Variants in MYT1 observed in about 807,000 individuals in gnomAD.
MYT1 encodes the protein myelin transcription factor I.
In MYT1, 23 loss-of-function variants were observed where a neutral mutation model predicts 123.0. The ratio of observed to expected loss-of-function variants is 0.19; its 90% CI spans 0.13 to 0.26. MYT1 has a LOEUF of 0.26. Among genes scored for constraint, MYT1 ranks in the 10% least tolerant of loss-of-function variants. The probability of loss-of-function intolerance (pLI) is 1.00; values close to 1 mark genes in which losing one functional copy is unlikely to be tolerated. For missense variants in MYT1, 1,125 were observed against 1,472.5 expected (o/e 0.76, Z 3.86); for synonymous variants, 518 against 575.3 (o/e 0.90, Z 1.43).
intron 2 of MYT1, among the ~76,000 whole-genome samples, chr20:64,197,092 G>A (rs933629223): frequency 1.3e-5 from 2 of 152,168 alleles, no homozygotes; most frequent in South Asian, 4.1e-4. Flanking sequence ...GGGAACCTCC[G>A]CTTTAAAAAT....
intron 7 of MYT1, among the ~76,000 whole-genome samples, chr20:64,209,210 C>T (rs1004154158): frequency 1.2e-4 from 18 of 152,188 alleles, no homozygotes; most frequent in Non-Finnish European, 2.1e-4. Flanking sequence ...TAAACGGTTA[C>T]GGCCTTCATT....
chr20:64,214,048 C>T (rs556936426), intron 10 of MYT1, among the ~76,000 whole-genome samples: 117 of 152,346 alleles, frequency 7.7e-4, no homozygotes, highest in African/African-American at 2.6e-3. Context: ...GGACCACGGA[C>T]GTCCAGGAAG....
In MYT1 at chr20:64,237,823, TCCCAGCA is replaced by T. The variant is rs1445707409; in HGVS notation, c.3093+442_3093+448del. ...CCAGGTCTCTGGAGCCGGGTTTCCT[TCCCAGCA>T]CCCAGCACAGCCACATGTTTGTCAC... On this transcript the variant is annotated intron_variant, in intron 21 of 22. Coordinates refer to ENST00000328439, the MANE Select transcript of MYT1 (RefSeq NM_004535.3). 2.0e-5 allele frequency among the ~76,000 whole-genome samples: 3 copies of T among 152,196 alleles called. No individual in the cohort carries two copies. The East Asian group carries it at 5.8e-4, about 29-fold the overall frequency.
At position 64,202,072 on chromosome 20, in the gene MYT1, G is replaced by A. The variant is rs1306833912; in HGVS notation, c.86+2150G>A. ...ACCTCTGCGTGTCGGGAACCCCTGT[G>A]TGCAGGACTTTCTCTGTGGATGACT... On this transcript the variant is annotated intron_variant, in intron 4 of 22. Coordinates refer to ENST00000328439, the MANE Select transcript of MYT1 (RefSeq NM_004535.3). This position sits in a 1 kb window ranked among gnomAD's most constrained non-coding sequence, Gnocchi z 5.0. 6.6e-6 allele frequency among the ~76,000 whole-genome samples: 1 copy of A among 151,922 alleles called. No individual in the cohort carries two copies. Among genetic ancestry groups the A allele is most frequent in the Admixed American group, 6.6e-5 (1 of 15,236 alleles).
At chr20:64,201,597 A>T (rs771905447) in intron 4 of MYT1, among the ~76,000 whole-genome samples, 1 of 152,256 alleles carries the variant, frequency 6.6e-6, no homozygotes, top group Non-Finnish European at 1.5e-5. Flanking sequence ...TCACGTGGGC[A>T]TGCCTGTGGC....
chr20:64,170,027 A>G (rs1367857939), intron 1 of MYT1, among the ~76,000 whole-genome samples: 1 of 151,494 alleles, frequency 6.6e-6, no homozygotes, highest in Non-Finnish European at 1.5e-5. Context: ...AGGCCACAGT[A>G]TGACCCTCAC....
intron 19 of MYT1, among the ~76,000 whole-genome samples, chr20:64,233,018 T>C (rs74544915): frequency 0.044 from 6,734 of 151,590 alleles, 209 homozygotes; most frequent in East Asian, 0.1. Context: ...ATGGTGACAA[T>C]GAGTGCCTGG....
At position 64,231,080 on chromosome 20, in the gene MYT1, G is replaced by A. The variant is rs1225793308; in HGVS notation, c.2676-1084G>A. Among the ~76,000 whole-genome samples the A allele has an allele frequency of 3.3e-5, 5 of 149,474 alleles. No individual in the cohort carries two copies. Among genetic ancestry groups the A allele is most frequent in the African/African-American group, 9.9e-5 (4 of 40,366 alleles). The stretch of plus-strand genomic sequence containing the variant: ...TACCGTCCTCCCGAGCGCTTCCTGC[G>A]CTGACAGTGACTTCCCTGTATGCCC... On this transcript the variant is annotated intron_variant, in intron 18 of 22. Coordinates refer to ENST00000328439, the MANE Select transcript of MYT1 (RefSeq NM_004535.3). The surrounding 1 kb of genome is among the most constrained non-coding windows in gnomAD (Gnocchi z 6.4).
At chr20:64,178,466 G>A (rs890022378) in intron 1 of MYT1, among the ~76,000 whole-genome samples, 33 of 152,242 alleles carry the variant, frequency 2.2e-4, no homozygotes, top group Admixed American at 5.9e-4. Flanking sequence ...GCTTTTGGAA[G>A]AGCGCTGAGC....
intron 2 of MYT1, among the ~76,000 whole-genome samples, chr20:64,198,088 G>A (rs73626453): frequency 0.034 from 5,142 of 151,788 alleles, 290 homozygotes; most frequent in African/African-American, 0.12. Flanking sequence ...GATCGAGACC[G>A]TCCTGGCTAA....
intron 1 of MYT1, among the ~76,000 whole-genome samples, chr20:64,180,230 CCA>C (rs1982612423): frequency 6.6e-6 from 1 of 152,120 alleles, no homozygotes; most frequent in Non-Finnish European, 1.5e-5. Context: ...CAGACACACG[CCA>C]CACACACACC....
At chr20:64,197,677 A>G (rs1454379928) in intron 2 of MYT1, among the ~76,000 whole-genome samples, 1 of 152,114 alleles carries the variant, frequency 6.6e-6, no homozygotes, top group Non-Finnish European at 1.5e-5. Context: ...TGGAGTGTGT[A>G]GGATTTACTT....
chr20:64,189,419 G>A lies in MYT1; in HGVS notation c.-98-644G>A, dbSNP rs919961346. Among the ~76,000 whole-genome samples, 1 of 152,206 alleles carries A rather than the reference G, an allele frequency of 6.6e-6. No homozygotes were observed. Among genetic ancestry groups the A allele is most frequent in the African/African-American group, 2.4e-5 (1 of 41,440 alleles). ...CCTCTGCTCAGACATGGGAATTTAT[G>A]TGAGGAATTAAATATTAACTGGAGG... On this transcript the variant is annotated intron_variant, in intron 1 of 22. Coordinates refer to ENST00000328439, the MANE Select transcript of MYT1 (RefSeq NM_004535.3). The surrounding 1 kb of genome is among the most constrained non-coding windows in gnomAD (Gnocchi z 5.5).
chr20:64,200,999 C>G (rs572350647), intron 4 of MYT1, among the ~76,000 whole-genome samples: 1 of 152,098 alleles, frequency 6.6e-6, no homozygotes, highest in Non-Finnish European at 1.5e-5. Flanking sequence ...ATTGCGACGG[C>G]GAGAGATGCT....
At position 64,204,275 on chromosome 20, in the gene MYT1, A is replaced by G. The variant is rs569163358; in HGVS notation, c.87-760A>G. Among the ~76,000 whole-genome samples the G allele has an allele frequency of 7.7e-4, 117 of 152,202 alleles. 1 individual carries two copies. Among genetic ancestry groups the G allele is most frequent in the Non-Finnish European group, 1.0e-3 (71 of 68,034 alleles). On this transcript the variant is annotated intron_variant, in intron 4 of 22. Transcript: ENST00000328439. Reference sequence around the variant, plus strand: ...TGCTGGTTTGGTTATATAGGGAGACAGATGATGGTTAAGGAAGAGGAACTC... The same window carrying G: ...TGCTGGTTTGGTTATATAGGGAGACGGATGATGGTTAAGGAAGAGGAACTC...
chr20:64,240,719 A>G lies in MYT1; in HGVS notation c.*271A>G. 1 of 377,180 alleles carries G rather than the reference A, an allele frequency of 2.7e-6. No individual in the cohort carries two copies. The highest frequency in any genetic ancestry group is 4.6e-5 in the East Asian group (1 of 21,658). 23.4% of individuals were successfully genotyped at this position (377,180 alleles called of 1,614,324 possible). ...GTTTTCTGAAAGAAATCTGAAGAGC[A>G]GCTCAAAGTCTCCAGTGGAAGCTCA... On this transcript the variant is annotated 3_prime_UTR_variant, in exon 23 of 23. Coordinates refer to ENST00000328439, the MANE Select transcript of MYT1 (RefSeq NM_004535.3).
At chr20:64,183,462 T>C (rs1982709215) in intron 1 of MYT1, among the ~76,000 whole-genome samples, 1 of 152,218 alleles carries the variant, frequency 6.6e-6, no homozygotes, top group South Asian at 2.1e-4. Context: ...ATTTTCCAAG[T>C]GATTGTGCTA....
intron 1 of MYT1, among the ~76,000 whole-genome samples, chr20:64,170,890 GA>G (rs1982249927): frequency 2.7e-5 from 1 of 37,452 alleles, no homozygotes; most frequent in Non-Finnish European, 4.8e-5. Context: ...TATATAGAGA[GA>G]GAGAGAGAGA....
Position 64,202,311 on chromosome 20 carries a change from G to A in MYT1, c.86+2389G>A, listed in dbSNP as rs1453790771. ...TGCCTGAGCGAAGAAGCAGTTTGAT[G>A]GTTTTTCCTTTCACCCCATCGGGAG... is the stretch of plus-strand genomic sequence containing the variant. On this transcript the variant is annotated intron_variant, in intron 4 of 22. Coordinates refer to ENST00000328439, the MANE Select transcript of MYT1 (RefSeq NM_004535.3). The surrounding 1 kb of genome is among the most constrained non-coding windows in gnomAD (Gnocchi z 5.0). Among the ~76,000 whole-genome samples the A allele has an allele frequency of 6.6e-6, 1 of 152,180 alleles. No homozygotes were observed. The highest frequency in any genetic ancestry group is 1.5e-5 in the Non-Finnish European group (1 of 68,036).
Sources: allele counts gnomAD v4.1 joint callset (sites outside exome capture counted in the v4.1 genomes callset), GRCh38; gene constraint gnomAD v4.1.1; non-coding constraint Gnocchi (gnomAD v3.1); transcripts MANE v1.5; gene names NCBI Gene and HGNC (gene_info 2026-07-23, HGNC 2026-07-21).